Variants in SHISA9 observed in about 807,000 individuals in gnomAD.
SHISA9 encodes the protein shisa family member 9.
SHISA9 carries 13 observed loss-of-function variants against 38.0 expected under a neutral mutation model. That is an observed-to-expected ratio of 0.34 (90% CI 0.22 to 0.54). The LOEUF is 0.54. Among genes scored for constraint, SHISA9 ranks in the 20% least tolerant of loss-of-function variants. SHISA9 has a pLI of 0.91. For missense variants in SHISA9, 538 were observed against 575.8 expected, an observed-to-expected ratio of 0.93 and a Z score of 0.67; for synonymous variants, 275 against 242.0, an observed-to-expected ratio of 1.14 and a Z score of -1.27.
chr16:13,154,958 A>G (rs1015081066), intron 2 of SHISA9, among the ~76,000 whole-genome samples: 8 of 152,248 alleles, frequency 5.3e-5, no homozygotes, highest in Non-Finnish European at 8.8e-5. Context: ...TCTAGACATC[A>G]CTCATGGTAC....
the SHISA9 span, among the ~76,000 whole-genome samples, chr16:13,420,785 G>A: frequency 1.3e-5 from 2 of 152,164 alleles, no homozygotes; most frequent in South Asian, 4.2e-4. Flanking sequence ...CCCTCAGCAT[G>A]TGCACATTTC....
intron 3 of SHISA9, among the ~76,000 whole-genome samples, chr16:13,208,443 C>CTTTTTTTTTTT (rs71395107): frequency 3.0e-4 from 37 of 125,018 alleles, no homozygotes; most frequent in African/African-American, 3.7e-4. Context: ...CTTTTTTTTT[C>CTTTTTTTTTTT]TTTTTTTTTT....
At chr16:13,528,788 C>T in the SHISA9 span, among the ~76,000 whole-genome samples, 1 of 152,120 alleles carries the variant, frequency 6.6e-6, no homozygotes, top group African/African-American at 2.4e-5. Flanking sequence ...TGTAATGTGC[C>T]TACGTAGTGT....
At chr16:13,307,262 G>C in the SHISA9 span, among the ~76,000 whole-genome samples, 2 of 152,178 alleles carry the variant, frequency 1.3e-5, no homozygotes, top group African/African-American at 4.8e-5. Context: ...CTGGCACATG[G>C]CAATCATTAT....
intron 2 of SHISA9, among the ~76,000 whole-genome samples, chr16:13,074,127 G>A (rs536164005): frequency 6.6e-6 from 1 of 151,904 alleles, no homozygotes; most frequent in African/African-American, 2.4e-5. Context: ...CCGCCATCAC[G>A]CCTGGCTAAT....
chr16:12,954,290 C>T (rs556468252), intron 2 of SHISA9, among the ~76,000 whole-genome samples: 1 of 152,164 alleles, frequency 6.6e-6, no homozygotes, highest in East Asian at 1.9e-4. Flanking sequence ...GGGCAAATAA[C>T]AACTTATGAA....
At chr16:13,130,613 CTT>C (rs1196684538) in intron 2 of SHISA9, among the ~76,000 whole-genome samples, 3 of 152,078 alleles carry the variant, frequency 2.0e-5, no homozygotes, top group Non-Finnish European at 2.9e-5. Flanking sequence ...TTAGGTATGA[CTT>C]TTTATTTTCA....
chr16:13,416,230 T>A, the SHISA9 span, among the ~76,000 whole-genome samples: 9 of 152,190 alleles, frequency 5.9e-5, no homozygotes, highest in African/African-American at 2.2e-4. Flanking sequence ...CAGTAGTAGG[T>A]GACATTTACC....
the SHISA9 span, among the ~76,000 whole-genome samples, chr16:13,384,816 T>C: frequency 6.6e-6 from 1 of 152,134 alleles, no homozygotes; most frequent in Non-Finnish European, 1.5e-5. Context: ...TTATAAAAAG[T>C]TTGAGGGTAA....
chr16:13,351,141 A>C, the SHISA9 span, among the ~76,000 whole-genome samples: 13,944 of 152,262 alleles, frequency 0.092, 734 homozygotes, highest in South Asian at 0.22. Flanking sequence ...TACCTTTCTC[A>C]GAATCACACA....
At chr16:13,121,652 A>C (rs554798478) in intron 2 of SHISA9, among the ~76,000 whole-genome samples, 1 of 152,224 alleles carries the variant, frequency 6.6e-6, no homozygotes, top group South Asian at 2.1e-4. Flanking sequence ...TTGAATAAGC[A>C]ATATCTGCTC....
chr16:13,411,148 A>C, the SHISA9 span, among the ~76,000 whole-genome samples: 1 of 152,236 alleles, frequency 6.6e-6, no homozygotes, highest in African/African-American at 2.4e-5. Context: ...CCAATCTCCT[A>C]ACTTGATGTG....
At chr16:13,445,052 G>T in the SHISA9 span, among the ~76,000 whole-genome samples, 1 of 142,992 alleles carries the variant, frequency 7.0e-6, no homozygotes, top group East Asian at 2.1e-4. Flanking sequence ...ATGGAGACAG[G>T]GGTCTTGTCT....
chr16:12,907,746 G>A (rs1300244651), intron 1 of SHISA9, among the ~76,000 whole-genome samples: 1 of 152,146 alleles, frequency 6.6e-6, no homozygotes, highest in Non-Finnish European at 1.5e-5. Context: ...TACAAACTGG[G>A]AGATTTCACG....
chr16:13,009,239 C>A (rs532694946), intron 2 of SHISA9, among the ~76,000 whole-genome samples: 2 of 152,160 alleles, frequency 1.3e-5, no homozygotes, highest in East Asian at 3.9e-4. Flanking sequence ...AGCTGGGAGT[C>A]GTCGACTCCA....
chr16:13,533,509 A>G, the SHISA9 span, among the ~76,000 whole-genome samples: 1,037 of 152,074 alleles, frequency 6.8e-3, 5 homozygotes, highest in South Asian at 0.014. Flanking sequence ...TGCTTCTCCA[A>G]TCTTAGAAAA....
intron 1 of SHISA9, chr16:12,908,545 A>G (rs1340923554): frequency 1.3e-6 from 2 of 1,551,922 alleles, no homozygotes; most frequent in African/African-American, 1.4e-5. Context: ...CTGCCCCTGG[A>G]GAGTGGAGTG....
At chr16:13,043,272 C>T (rs750764680) in intron 2 of SHISA9, among the ~76,000 whole-genome samples, 3 of 152,132 alleles carry the variant, frequency 2.0e-5, no homozygotes, top group Non-Finnish European at 4.4e-5. Context: ...GTGGATATAT[C>T]AGTTCCATCC....
chr16:13,021,438 G>A (rs1035709534), intron 2 of SHISA9, among the ~76,000 whole-genome samples: 2 of 152,170 alleles, frequency 1.3e-5, no homozygotes, highest in Non-Finnish European at 2.9e-5. Flanking sequence ...AAGCCGAAGA[G>A]TCTCCCATGC....
Sources: allele counts gnomAD v4.1 joint callset (sites outside exome capture counted in the v4.1 genomes callset), GRCh38; gene constraint gnomAD v4.1.1; transcripts MANE v1.5; gene names NCBI Gene and HGNC (gene_info 2026-07-23, HGNC 2026-07-21).